Variants in CERKL observed in about 807,000 individuals in gnomAD.
CERKL encodes the protein ceramide kinase-like protein.
Under a neutral mutation model 63.4 loss-of-function variants are expected in CERKL, and 61 were observed. The ratio of observed to expected loss-of-function variants is 0.96; its 90% CI spans 0.78 to 1.19. The LOEUF (loss-of-function observed/expected upper bound fraction) is 1.19. Ranked by LOEUF, CERKL falls within the 50% of genes most tolerant of loss-of-function variation. The probability of loss-of-function intolerance (pLI) is 0.00; values close to 1 mark genes in which losing one functional copy is unlikely to be tolerated. For synonymous variants in CERKL, 250 were observed against 230.5 expected (o/e 1.08, Z -0.77); for missense variants, 675 against 655.5 (o/e 1.03, Z -0.33).
intron 1 of CERKL, among the ~76,000 whole-genome samples, chr2:181,634,575 T>A (rs1288590563): frequency 6.6e-6 from 1 of 152,126 alleles, no homozygotes; most frequent in Non-Finnish European, 1.5e-5. Flanking sequence ...AGTTTAAATT[T>A]ACCTGATTTT....
At chr2:181,557,985 C>A (rs1688283004) in intron 5 of CERKL, among the ~76,000 whole-genome samples, 1 of 152,178 alleles carries the variant, frequency 6.6e-6, no homozygotes, top group Admixed American at 6.6e-5. Flanking sequence ...CTGAGCATCA[C>A]TGTGGCATAG....
intron 11 of CERKL, among the ~76,000 whole-genome samples, chr2:181,542,818 C>T (rs1687570356): frequency 6.6e-6 from 1 of 152,108 alleles, no homozygotes; most frequent in Admixed American, 6.5e-5. Flanking sequence ...CCTATCGATA[C>T]AGATTTTTAT....
rs1419461278 is a variant in CERKL at position 181,598,827 on chromosome 2, T to C, written c.481+5010A>G. Among the ~76,000 whole-genome samples, 9 of 151,652 alleles carry C rather than the reference T, an allele frequency of 5.9e-5. No homozygotes were observed. The South Asian group carries it at 1.7e-3, about 28-fold the overall frequency. On this transcript the variant is annotated intron_variant, in intron 2 of 12. Transcript: ENST00000410087. ...CCCCTGAAAGCACCCAGAAACAAAGTTGAATGATCACACACAACATACACC... is the reference window on the plus strand; with the variant it reads ...CCCCTGAAAGCACCCAGAAACAAAGCTGAATGATCACACACAACATACACC...
At chr2:181,639,202 T>C (rs975428347) in intron 1 of CERKL, among the ~76,000 whole-genome samples, 5 of 152,220 alleles carry the variant, frequency 3.3e-5, no homozygotes, top group Non-Finnish European at 4.4e-5. Context: ...TAGAGATACA[T>C]GCTGAGATGC....
chr2:181,647,718 G>C (rs1372881532), intron 1 of CERKL, among the ~76,000 whole-genome samples: 1 of 152,002 alleles, frequency 6.6e-6, no homozygotes, highest in African/African-American at 2.4e-5. Context: ...AAGGACACAC[G>C]ACACTGCCAA....
intron 1 of CERKL, among the ~76,000 whole-genome samples, chr2:181,654,825 C>T (rs148332484): frequency 6.6e-6 from 1 of 152,202 alleles, no homozygotes; most frequent in African/African-American, 2.4e-5. Flanking sequence ...ACTCTTGTTG[C>T]CCAGGCTGGA....
In CERKL at chr2:181,539,276, T is replaced by C. The variant is rs372440270; in HGVS notation, c.1366-12A>G. 1 of 1,522,302 alleles carries C rather than the reference T, an allele frequency of 6.6e-7. No individual in the cohort carries two copies. Among genetic ancestry groups the C allele is most frequent in the Non-Finnish European group, 9.1e-7 (1 of 1,097,558 alleles). 94.3% of individuals were successfully genotyped at this position (1,522,302 alleles called of 1,614,324 possible). On this transcript the variant is annotated splice_polypyrimidine_tract_variant and intron_variant, in intron 11 of 12. Transcript: ENST00000410087. ...AATGGAAAATTGAACTAAAAATAAA[T>C]ACAAATAATCATTATACTTGGTTTA...
intron 1 of CERKL, among the ~76,000 whole-genome samples, chr2:181,630,495 T>A (rs1686910551): frequency 6.6e-6 from 1 of 152,108 alleles, no homozygotes; most frequent in South Asian, 2.1e-4. Context: ...AATAGGGTAA[T>A]TAGGTTAAAT....
intron 2 of CERKL, among the ~76,000 whole-genome samples, chr2:181,599,261 C>G (rs1342752303): frequency 6.6e-6 from 1 of 152,096 alleles, no homozygotes; most frequent in South Asian, 2.1e-4. Flanking sequence ...GCAGGCCAGG[C>G]ATGGTGGCTC....
At chr2:181,573,507 T>C (rs898001419) in intron 3 of CERKL, among the ~76,000 whole-genome samples, 5 of 152,188 alleles carry the variant, frequency 3.3e-5, no homozygotes, top group African/African-American at 1.2e-4. Context: ...TGTAATTATA[T>C]CTAACAATTG....
intron 1 of CERKL, among the ~76,000 whole-genome samples, chr2:181,638,501 T>C (rs991281740): frequency 2.6e-5 from 4 of 152,184 alleles, no homozygotes; most frequent in Admixed American, 6.5e-5. Context: ...AAAATAATCA[T>C]TGCTGTGAAT....
In CERKL at chr2:181,547,653, A is replaced by G. The variant is rs753718511; in HGVS notation, c.1233T>C (p.Cys411=). 1 of 1,614,086 alleles carries G rather than the reference A, an allele frequency of 6.2e-7. No individual in the cohort carries two copies. The highest frequency in any genetic ancestry group is 1.1e-5 in the South Asian group (1 of 91,080). ...GTGCCAAGCCTCTAGGTGCCACTGA[A>G]CACAGGCAAGGAATTGCCATAATGC... ...NVSIMAIPCL[C]SVAPRGLAPN... The change falls in exon 10 of 13, where the codon TGT becomes TGC. Residue 411 remains cysteine, a synonymous_variant. Transcript: ENST00000410087.
At chr2:181,655,859 ATCTG>A (rs1337232521) in intron 1 of CERKL, among the ~76,000 whole-genome samples, 2 of 152,132 alleles carry the variant, frequency 1.3e-5, no homozygotes, top group Non-Finnish European at 2.9e-5. Context: ...CCCCCATTTC[ATCTG>A]TCTTTCACCG....
intron 5 of CERKL, among the ~76,000 whole-genome samples, chr2:181,554,164 C>CAAAAAAAAA (rs36086391): frequency 2.1e-5 from 2 of 94,282 alleles, no homozygotes; most frequent in African/African-American, 8.2e-5. Flanking sequence ...ACTATGGAGG[C>CAAAAAAAAA]AAAAAAAAAA....
intron 1 of CERKL, among the ~76,000 whole-genome samples, chr2:181,626,448 G>A (rs1686707483): frequency 6.6e-6 from 1 of 152,126 alleles, no homozygotes; most frequent in South Asian, 2.1e-4. Flanking sequence ...ACCCACTGAT[G>A]CCACATGCCT....
chr2:181,570,054 A>G (rs1284472877), intron 3 of CERKL, among the ~76,000 whole-genome samples: 1 of 152,168 alleles, frequency 6.6e-6, no homozygotes, highest in Non-Finnish European at 1.5e-5. Flanking sequence ...TTTTTTCATA[A>G]ATATTGAGCC....
chr2:181,647,778 T>C (rs550873508), intron 1 of CERKL, among the ~76,000 whole-genome samples: 1 of 152,098 alleles, frequency 6.6e-6, no homozygotes, highest in South Asian at 2.1e-4. Flanking sequence ...AGGGTGTTTA[T>C]AAAATGCCTG....
intron 1 of CERKL, among the ~76,000 whole-genome samples, chr2:181,648,255 G>C (rs2105533724): frequency 6.6e-6 from 1 of 152,222 alleles, no homozygotes; most frequent in African/African-American, 2.4e-5. Context: ...AAAAGTTGAA[G>C]ACAGAGAATT....
At chr2:181,623,892 T>C (rs1319926195) in intron 1 of CERKL, among the ~76,000 whole-genome samples, 1 of 152,184 alleles carries the variant, frequency 6.6e-6, no homozygotes. Context: ...AATTATGAAA[T>C]GCTACCACAA....
Sources: gnomAD v4.1 joint callset for allele counts (sites outside exome capture counted in the v4.1 genomes callset) on GRCh38, gnomAD v4.1.1 for gene constraint, MANE v1.5 for transcripts, NCBI Gene and HGNC (gene_info 2026-07-23, HGNC 2026-07-21) for gene names.